Variants in ROBO2 observed in about 807,000 individuals in gnomAD.
ROBO2 encodes the protein roundabout homolog 2.
ROBO2 carries 53 observed loss-of-function variants against 160.8 expected under a neutral mutation model. The observed-to-expected ratio is 0.33, with a 90% CI of 0.26 to 0.41. ROBO2 has a LOEUF of 0.41. Ranked by LOEUF, ROBO2 falls within the 10% of genes least tolerant of loss-of-function variation. The pLI, the probability that ROBO2 is intolerant of heterozygous loss-of-function variation, is 1.00. For synonymous variants in ROBO2, 664 were observed against 611.7 expected (o/e 1.09, Z -1.26); for missense variants, 1,577 against 1,722.4 (o/e 0.92, Z 1.49).
Position 77,624,041 on chromosome 3 carries a change from A to G in ROBO2, c.3760+1609A>G, listed in dbSNP as rs915945458. ...GTAGCTAGTGTAATGTTCATTCCAA[A>G]TGAAGCTTTTATTGCTGAGAAAAAA... On this transcript the variant is annotated intron_variant, in intron 23 of 25. Coordinates refer to ENST00000461745, the Ensembl canonical transcript of ROBO2. 4.6e-5 allele frequency among the ~76,000 whole-genome samples: 7 copies of G among 152,240 alleles called. No individual in the cohort carries two copies. The South Asian group carries it at 1.2e-3, about 27-fold the overall frequency.
chr3:77,171,744 C>T (rs114764072), intron 2 of ROBO2, among the ~76,000 whole-genome samples: 26 of 152,322 alleles, frequency 1.7e-4, no homozygotes, highest in African/African-American at 2.4e-4. Context: ...AGTACACAGA[C>T]ATATCCACCA....
At chr3:76,903,549 T>A (rs1261923356) in intron 2 of ROBO2, among the ~76,000 whole-genome samples, 2 of 152,020 alleles carry the variant, frequency 1.3e-5, no homozygotes, top group African/African-American at 4.8e-5. Flanking sequence ...TTTTTCTCCA[T>A]CCCCCACACC....
At chr3:77,313,741 C>T (rs543491744) in intron 2 of ROBO2, among the ~76,000 whole-genome samples, 3 of 152,196 alleles carry the variant, frequency 2.0e-5, no homozygotes, top group South Asian at 2.1e-4. Flanking sequence ...TGCGCCACCA[C>T]GCCCAGCTAA....
In ROBO2 at chr3:76,255,163, G is replaced by A. The variant is rs140189501; in HGVS notation, c.109+317561G>A. Among the ~76,000 whole-genome samples, 53 of 152,140 alleles carry A rather than the reference G, an allele frequency of 3.5e-4. No individual in the cohort carries two copies. The East Asian group carries it at 8.1e-3, about 23-fold the overall frequency. On this transcript the variant is annotated intron_variant, in intron 2 of 26. Transcript: ENST00000487694. Reference sequence around the variant, plus strand: ...CATTGGTCAGTTAAATAAATAAATCGACCTGTAGCTAAAGGGAGAGGCTTC... The same window carrying A: ...CATTGGTCAGTTAAATAAATAAATCAACCTGTAGCTAAAGGGAGAGGCTTC...
intron 2 of ROBO2, among the ~76,000 whole-genome samples, chr3:76,098,410 A>C (rs1176042623): frequency 6.6e-6 from 1 of 152,114 alleles, no homozygotes; most frequent in East Asian, 1.9e-4. Context: ...TGATATCTAC[A>C]ACATGCAATT....
intron 1 of ROBO2, among the ~76,000 whole-genome samples, chr3:77,075,428 A>T (rs2067866150): frequency 6.6e-6 from 1 of 152,046 alleles, no homozygotes; most frequent in East Asian, 1.9e-4. Context: ...ATTATTTGAG[A>T]TTCCTGTTCT....
intron 2 of ROBO2, among the ~76,000 whole-genome samples, chr3:76,010,827 T>A (rs765214204): frequency 4.6e-5 from 7 of 152,274 alleles, no homozygotes; most frequent in Non-Finnish European, 8.8e-5. Context: ...AATATAAACG[T>A]GTAGATTGTT....
chr3:76,479,213 A>G (rs1183576697), intron 2 of ROBO2, among the ~76,000 whole-genome samples: 1 of 152,200 alleles, frequency 6.6e-6, no homozygotes, highest in East Asian at 1.9e-4. Context: ...GTATTCATGA[A>G]GCTTGATTTT....
At chr3:76,110,651 C>T (rs2070186398) in intron 2 of ROBO2, among the ~76,000 whole-genome samples, 1 of 151,458 alleles carries the variant, frequency 6.6e-6, no homozygotes, top group Non-Finnish European at 1.5e-5. Context: ...TTTTTACATC[C>T]CTGTGCAGTG....
chr3:77,112,487 G>T (rs972556909), intron 2 of ROBO2, among the ~76,000 whole-genome samples: 1 of 151,848 alleles, frequency 6.6e-6, no homozygotes, highest in Non-Finnish European at 1.5e-5. Context: ...GGGCTGATGC[G>T]CCCGCCTCGG....
At chr3:77,482,415 C>G (rs182043236) in intron 4 of ROBO2, among the ~76,000 whole-genome samples, 1 of 152,210 alleles carries the variant, frequency 6.6e-6, no homozygotes, top group Non-Finnish European at 1.5e-5. Flanking sequence ...ATGACTTCCA[C>G]TATATTTCAA....
chr3:77,356,342 G>T (rs1304106446), intron 2 of ROBO2, among the ~76,000 whole-genome samples: 1 of 151,210 alleles, frequency 6.6e-6, no homozygotes, highest in East Asian at 1.9e-4. Context: ...AGAGAGAGAG[G>T]GAGAATGAAA....
intron 2 of ROBO2, among the ~76,000 whole-genome samples, chr3:77,031,627 T>G (rs956738726): frequency 6.8e-6 from 1 of 146,328 alleles, no homozygotes; most frequent in African/African-American, 2.5e-5. Flanking sequence ...ATAAATTAAT[T>G]ATATATTAAT....
chr3:77,374,345 G>A (rs914557454), intron 2 of ROBO2, among the ~76,000 whole-genome samples: 22 of 151,958 alleles, frequency 1.4e-4, no homozygotes, highest in African/African-American at 5.3e-4. Context: ...ATAATAAGTT[G>A]AAGTGACTAG....
intron 2 of ROBO2, among the ~76,000 whole-genome samples, chr3:77,400,900 A>G (rs923806694): frequency 1.3e-5 from 2 of 152,150 alleles, no homozygotes; most frequent in African/African-American, 2.4e-5. Context: ...TACAAAATTG[A>G]TCTTGTTAAT....
chr3:76,707,723 A>ATG lies in ROBO2; in HGVS notation c.110-390283_110-390282dup, dbSNP rs1491159241. On this transcript the variant is annotated intron_variant, in intron 2 of 26. Transcript: ENST00000487694. The stretch of plus-strand genomic sequence containing the variant: ...CACATACACACACACATTAGAATAC[A>ATG]TGTGTGTGTATATATATATATATAT... Among the ~76,000 whole-genome samples, 819 of 105,230 alleles carry ATG rather than the reference A, an allele frequency of 7.8e-3. 9 individuals are homozygous for ATG. The highest frequency in any genetic ancestry group is 0.025 in the South Asian group (72 of 2,854). 69.0% of individuals were successfully genotyped at this position (105,230 alleles called of 152,430 possible).
chr3:77,196,979 A>G (rs1579874976), intron 2 of ROBO2, among the ~76,000 whole-genome samples: 1 of 140,074 alleles, frequency 7.1e-6, no homozygotes, highest in South Asian at 2.5e-4. Context: ...TTGATAAAGA[A>G]GAAGGTAGAG....
intron 8 of ROBO2, among the ~76,000 whole-genome samples, chr3:77,552,136 G>T (rs1479577390): frequency 2.0e-5 from 3 of 151,870 alleles, no homozygotes; most frequent in Non-Finnish European, 4.4e-5. Flanking sequence ...TTCTTTAAAA[G>T]AATAAAAGAT....
intron 2 of ROBO2, among the ~76,000 whole-genome samples, chr3:77,351,973 G>A (rs953889620): frequency 1.3e-5 from 2 of 151,736 alleles, no homozygotes; most frequent in African/African-American, 4.8e-5. Context: ...GGGAGGGTGA[G>A]CATTAGGAGA....
Sources: gnomAD v4.1 joint callset for allele counts (sites outside exome capture counted in the v4.1 genomes callset) on GRCh38, gnomAD v4.1.1 for gene constraint, MANE v1.5 for transcripts, NCBI Gene and HGNC (gene_info 2026-07-23, HGNC 2026-07-21) for gene names.